The following CHD7 variants were observed in gnomAD, a reference collection of about 807,000 sequenced individuals.
CHD7 encodes the protein chromodomain helicase DNA binding protein 7, also known as ATP-dependent chromatin remodeler CHD7.
Under a neutral mutation model 307.3 loss-of-function variants are expected in CHD7, and 24 were observed. That is an observed-to-expected ratio of 0.08 (90% CI 0.06 to 0.11). CHD7 has a LOEUF of 0.11. Ranked by LOEUF, CHD7 falls within the 10% of genes least tolerant of loss-of-function variation. The probability of loss-of-function intolerance (pLI) is 1.00; values close to 1 mark genes in which losing one functional copy is unlikely to be tolerated. For synonymous variants in CHD7, 1,363 were observed against 1,349.9 expected (o/e 1.01, Z -0.21); for missense variants, 3,106 against 3,727.1 (o/e 0.83, Z 4.34).
At chr8:60,686,532 C>T (rs951039660) in intron 1 of CHD7, among the ~76,000 whole-genome samples, 1 of 152,142 alleles carries the variant, frequency 6.6e-6, no homozygotes, top group Non-Finnish European at 1.5e-5. Context: ...GGCCTGCCTT[C>T]TCTCCTGGCA....
chr8:60,829,636 T>TTA (rs1382019084), intron 14 of CHD7, among the ~76,000 whole-genome samples: 2 of 152,130 alleles, frequency 1.3e-5, no homozygotes, highest in African/African-American at 4.8e-5. Context: ...TGCTTGGCTA[T>TTA]TTTATATGCT....
At chr8:60,831,466 TAGAC>T (rs1400170689) in intron 15 of CHD7, among the ~76,000 whole-genome samples, 1 of 152,080 alleles carries the variant, frequency 6.6e-6, no homozygotes, top group Non-Finnish European at 1.5e-5. Context: ...AAATGCACCT[TAGAC>T]ATGCTTGGAT....
At chr8:60,783,241 AC>A (rs767066629) in intron 3 of CHD7, among the ~76,000 whole-genome samples, 26 of 152,164 alleles carry the variant, frequency 1.7e-4, no homozygotes, top group Non-Finnish European at 3.7e-4. Flanking sequence ...TACTTAGCAT[AC>A]CCTTACCTCT....
chr8:60,741,939 A>G lies in CHD7; in HGVS notation c.507A>G (p.Pro169=), dbSNP rs1319078658. The G allele has an allele frequency of 5.6e-6, 9 of 1,613,322 alleles. No individual in the cohort carries two copies. The highest frequency in any genetic ancestry group is 1.7e-5 in the Admixed American group (1 of 59,952). Residue 169 remains proline (P), a synonymous_variant, in exon 2 of 38, where the codon CCA becomes CCG. Transcript: ENST00000423902. ...PYQQQQPQPQ[P]PQPAPSGPPA... is the part of the protein sequence containing the mutation. Reference sequence around the variant, plus strand: ...AGCAGCAGCAGCCACAGCCGCAGCCACCGCAGCCGGCTCCGTCGGGGCCCC... The same window carrying G: ...AGCAGCAGCAGCCACAGCCGCAGCCGCCGCAGCCGGCTCCGTCGGGGCCCC...
At chr8:60,819,889 C>T in intron 8 of CHD7, 118 bp from the exon 9 acceptor site, 1 of 683,720 alleles carries the variant, frequency 1.5e-6, no homozygotes, top group Non-Finnish European at 2.5e-6. Flanking sequence ...ATAGAATTTG[C>T]CAAATGTAAG....
At chr8:60,788,520 C>T (rs1811609851) in intron 3 of CHD7, among the ~76,000 whole-genome samples, 1 of 152,202 alleles carries the variant, frequency 6.6e-6, no homozygotes, top group Admixed American at 6.5e-5. Flanking sequence ...ATCAGTAAAA[C>T]AGAATTCTTC....
At chr8:60,787,531 A>G (rs1345341531) in intron 3 of CHD7, among the ~76,000 whole-genome samples, 6 of 152,212 alleles carry the variant, frequency 3.9e-5, no homozygotes, top group Admixed American at 1.3e-4. Context: ...TGTTATATCT[A>G]GGAAGTGGAG....
intron 7 of CHD7, among the ~76,000 whole-genome samples, chr8:60,811,416 G>T (rs964780281): frequency 2.6e-5 from 4 of 152,128 alleles, no homozygotes; most frequent in Non-Finnish European, 5.9e-5. Context: ...TACAAAAAAA[G>T]AAATTGGTAT....
At chr8:60,855,593 G>C (rs1805664019) in intron 32 of CHD7, among the ~76,000 whole-genome samples, 1 of 152,220 alleles carries the variant, frequency 6.6e-6, no homozygotes, top group Admixed American at 6.5e-5. Flanking sequence ...AGCTAATGCA[G>C]GGTTTCCATT....
At chr8:60,733,211 G>A (rs1345264909) in intron 1 of CHD7, among the ~76,000 whole-genome samples, 1 of 147,320 alleles carries the variant, frequency 6.8e-6, no homozygotes. Flanking sequence ...ACTCCAGCTT[G>A]GGTGACAGAG....
chr8:60,770,978 T>C (rs1379491536), intron 2 of CHD7, among the ~76,000 whole-genome samples: 1 of 152,250 alleles, frequency 6.6e-6, no homozygotes, highest in African/African-American at 2.4e-5. Context: ...TTGATTCTTC[T>C]TATAACCAGC....
chr8:60,858,827 C>T (rs1805835995), intron 34 of CHD7, among the ~76,000 whole-genome samples: 1 of 152,194 alleles, frequency 6.6e-6, no homozygotes, highest in Admixed American at 6.5e-5. Flanking sequence ...CCAGGCTGGT[C>T]TCAAACTTCT....
In CHD7 at chr8:60,786,081, C is replaced by G. The variant is rs868442307; in HGVS notation, c.2096+4651C>G. ...CTACCCAGTCTCTGGTTCATTAAAT[C>G]CAAGCTTGTGCTCCCTTTCCTGCTG... On this transcript the variant is annotated intron_variant, in intron 3 of 37. Transcript: ENST00000423902. Among the ~76,000 whole-genome samples the G allele has an allele frequency of 4.6e-5, 7 of 152,334 alleles. 1 individual carries two copies. The highest frequency in any genetic ancestry group is 4.1e-4 in the South Asian group (2 of 4,828).
At chr8:60,734,576 A>T (rs1447156277) in intron 1 of CHD7, among the ~76,000 whole-genome samples, 1 of 152,192 alleles carries the variant, frequency 6.6e-6, no homozygotes, top group Admixed American at 6.5e-5. Flanking sequence ...GAGATGAAAA[A>T]GAGGCCAGCC....
chr8:60,828,216 G>C (rs939749432), intron 13 of CHD7, among the ~76,000 whole-genome samples: 1 of 152,188 alleles, frequency 6.6e-6, no homozygotes, highest in African/African-American at 2.4e-5. Flanking sequence ...GTTGCATGTA[G>C]AACTTCTTTT....
In CHD7 at chr8:60,841,733, T is replaced by C. The variant is rs754019726; in HGVS notation, c.4623T>C (p.Asp1541=). The change falls in exon 20 of 38, where the codon GAT becomes GAC. Residue 1541 remains aspartate, a synonymous_variant. Coordinates refer to ENST00000423902, the MANE Select transcript of CHD7 (RefSeq NM_017780.4). ...AGTGGGCTAAGAAGGCTGAATTGGA[T>C]ATTGATGCCTTAAATGGGAGGGTGA... ...WQKWAKKAEL[D]IDALNGRNNL... is the part of the protein sequence containing the mutation. 2 of 1,607,594 alleles carry C rather than the reference T, an allele frequency of 1.2e-6. No individual in the cohort carries two copies. Among genetic ancestry groups the C allele is most frequent in the African/African-American group, 1.3e-5 (1 of 74,968 alleles).
intron 1 of CHD7, among the ~76,000 whole-genome samples, chr8:60,740,336 AT>A (rs1808929356): frequency 6.6e-6 from 1 of 152,178 alleles, no homozygotes; most frequent in African/African-American, 2.4e-5. Context: ...AGAAAGTTGT[AT>A]TTCTAGTTAT....
intron 1 of CHD7, among the ~76,000 whole-genome samples, chr8:60,680,665 C>G (rs183736003): frequency 6.6e-5 from 10 of 152,280 alleles, no homozygotes; most frequent in East Asian, 1.9e-4. Flanking sequence ...CTGGAGGTCA[C>G]TTTTAGAGAC....
At chr8:60,842,202 T>C in intron 21 of CHD7, 150 bp downstream of exon 21, 1 of 672,150 alleles carries the variant, frequency 1.5e-6, no homozygotes, top group Non-Finnish European at 2.5e-6. Flanking sequence ...TTACAGGGCT[T>C]TGAAGCCATT....
Sources: allele counts gnomAD v4.1 joint callset (sites outside exome capture counted in the v4.1 genomes callset), GRCh38; gene constraint gnomAD v4.1.1; transcripts MANE v1.5; gene names NCBI Gene and HGNC (gene_info 2026-07-23, HGNC 2026-07-21).